Variants in CCDC3 observed in about 807,000 individuals in gnomAD.
CCDC3 encodes the protein coiled-coil domain containing 3, also known as coiled-coil domain-containing protein 3.
A neutral mutation model predicts 21.4 loss-of-function variants in CCDC3; 24 were observed. That is an observed-to-expected ratio of 1.12 (90% CI 0.81 to 1.58). CCDC3 has a LOEUF of 1.58. Among genes scored for constraint, CCDC3 ranks in the 40% most tolerant of loss-of-function variants. The pLI is 0.00. For synonymous variants in CCDC3, 186 were observed against 166.0 expected (o/e 1.12, Z -0.93); for missense variants, 425 against 360.9 (o/e 1.18, Z -1.44).
chr10:12,902,621 A>G (rs1467251409), intron 2 of CCDC3, among the ~76,000 whole-genome samples: 3 of 152,218 alleles, frequency 2.0e-5, no homozygotes, highest in Admixed American at 2.0e-4. Context: ...GGAACATAAC[A>G]TCAAAGAAGA....
At chr10:13,036,183 C>A (rs1044848755) in intron 5 of CCDC3, among the ~76,000 whole-genome samples, 1 of 151,950 alleles carries the variant, frequency 6.6e-6, no homozygotes, top group African/African-American at 2.4e-5. Context: ...AGTGGCTGCC[C>A]ACCAGGATGA....
At chr10:12,956,028 T>G (rs1835078598) in intron 2 of CCDC3, among the ~76,000 whole-genome samples, 1 of 151,684 alleles carries the variant, frequency 6.6e-6, no homozygotes, top group Non-Finnish European at 1.5e-5. Flanking sequence ...TTTTAAGAGA[T>G]AAGATCTCAC....
At chr10:12,922,386 A>G (rs1480882831) in intron 2 of CCDC3, among the ~76,000 whole-genome samples, 2 of 152,070 alleles carry the variant, frequency 1.3e-5, no homozygotes, top group Non-Finnish European at 2.9e-5. Context: ...TCTGTGTCAG[A>G]AGATGCTTTG....
At chr10:12,900,597 A>G (rs1403459283) in intron 2 of CCDC3, among the ~76,000 whole-genome samples, 1 of 145,152 alleles carries the variant, frequency 6.9e-6, no homozygotes, top group East Asian at 2.1e-4. Context: ...AGGCTGAGGC[A>G]GGAGAATGGC....
At chr10:12,961,722 G>C (rs997582241) in intron 2 of CCDC3, among the ~76,000 whole-genome samples, 1 of 152,102 alleles carries the variant, frequency 6.6e-6, no homozygotes, top group Admixed American at 6.6e-5. Context: ...TTTCATGGTG[G>C]AAACAGAGGG....
chr10:12,974,896 G>A (rs1413750171), intron 2 of CCDC3, among the ~76,000 whole-genome samples: 1 of 152,148 alleles, frequency 6.6e-6, no homozygotes, highest in African/African-American at 2.4e-5. Context: ...TATTTTTTGA[G>A]AACCCACTAT....
Position 13,079,342 on chromosome 10 carries a change from G to A in CCDC3, c.-502-5242C>T, listed in dbSNP as rs112688383. Among the ~76,000 whole-genome samples, 483 of 152,278 alleles carry A rather than the reference G, an allele frequency of 3.2e-3. 2 individuals carry two copies. The highest frequency in any genetic ancestry group is 0.01 in the African/African-American group (433 of 41,554). On this transcript the variant is annotated intron_variant, in intron 3 of 6. Transcript: ENST00000378839. ...TGAATAAACCCGGACTCTCAGCAAC[G>A]CAGAAGGAAACTGGCTGTGACCTGG...
rs375960964 is a variant in CCDC3, at chr10:12,898,556, T to C, written c.673A>G (p.Lys225Glu). 1.2e-5 allele frequency: 20 copies of C among 1,614,100 alleles called. No individual in the cohort carries two copies. Among genetic ancestry groups the C allele is most frequent in the African/African-American group, 9.3e-5 (7 of 74,936 alleles). ...RQLRERVKKV[K>E]RSLRQARKKG... ...TTACGCGCCTGCCGCAAGGACCTCT[T>C]GACCTTCTTCACTCGCTCCCGGAGC... The change falls in exon 3 of 3, where the codon AAG becomes GAG. Residue 225 changes from lysine to glutamate, a missense_variant. By Grantham distance (56) the Lys-to-Glu change is moderately conservative. Transcript: ENST00000378825.
At chr10:12,991,919 T>C (rs1265959223) in intron 2 of CCDC3, among the ~76,000 whole-genome samples, 1 of 152,162 alleles carries the variant, frequency 6.6e-6, no homozygotes, top group Non-Finnish European at 1.5e-5. Context: ...GTCTCTTTCT[T>C]ATCTTTTTTT....
chr10:13,099,696 A>C (rs1460257706), upstream of CCDC3: 3 of 151,822 alleles, frequency 2.0e-5, no homozygotes. Flanking sequence ...TCAGTTAACT[A>C]TGTCTAGATG....
chr10:13,023,495 G>C (rs757216409), intron 5 of CCDC3, among the ~76,000 whole-genome samples: 15 of 152,230 alleles, frequency 9.9e-5, no homozygotes, highest in Non-Finnish European at 1.8e-4. Context: ...AAGAAGACCT[G>C]TTCTAAGAGA....
chr10:13,061,695 A>T (rs1428644206), intron 4 of CCDC3, among the ~76,000 whole-genome samples: 2 of 152,200 alleles, frequency 1.3e-5, no homozygotes, highest in Non-Finnish European at 2.9e-5. Context: ...CTACAGATAA[A>T]CTTAAACATT....
At chr10:13,096,290 T>C (rs1832628699) in intron 3 of CCDC3, among the ~76,000 whole-genome samples, 1 of 151,892 alleles carries the variant, frequency 6.6e-6, no homozygotes, top group Non-Finnish European at 1.5e-5. Flanking sequence ...CTCAAGCAAT[T>C]CTCCTGCCTC....
Position 13,082,511 on chromosome 10 carries a change from G to A in CCDC3, c.-502-8411C>T, listed in dbSNP as rs537394911. ...GACGTTTAGGCCTCTGGATGGCTGC[G>A]GGCAGGCCTGTCTGATGTCAGGCCT... is the stretch of plus-strand genomic sequence containing the variant. On this transcript the variant is annotated intron_variant, in intron 3 of 6. Coordinates refer to the CCDC3 transcript ENST00000378839. 9.8e-5 allele frequency among the ~76,000 whole-genome samples: 15 copies of A among 152,326 alleles called. No individual in the cohort carries two copies. In the South Asian group the frequency reaches 1.9e-3, roughly 19 times the overall value.
intron 2 of CCDC3, among the ~76,000 whole-genome samples, chr10:12,967,026 C>G (rs894068889): frequency 1.3e-5 from 2 of 152,172 alleles, no homozygotes; most frequent in Non-Finnish European, 2.9e-5. Context: ...ATCTTCTGGG[C>G]TTCCTCCAGC....
intron 3 of CCDC3, among the ~76,000 whole-genome samples, chr10:13,082,112 A>C (rs924575561): frequency 2.6e-5 from 4 of 152,194 alleles, no homozygotes; most frequent in African/African-American, 9.7e-5. Flanking sequence ...CACAAGACAA[A>C]GTGATAGAAG....
At chr10:13,027,727 A>AC (rs1385201384) in intron 5 of CCDC3, among the ~76,000 whole-genome samples, 3 of 150,622 alleles carry the variant, frequency 2.0e-5, no homozygotes, top group Admixed American at 6.6e-5. Flanking sequence ...AATTAAAAAA[A>AC]AAAAACAAAA....
At chr10:12,974,666 C>A (rs1413988246) in intron 2 of CCDC3, among the ~76,000 whole-genome samples, 1 of 152,158 alleles carries the variant, frequency 6.6e-6, no homozygotes, top group Non-Finnish European at 1.5e-5. Context: ...GAGCCCACAG[C>A]CAGGAAGACC....
intron 4 of CCDC3, among the ~76,000 whole-genome samples, chr10:13,071,157 G>C (rs193056349): frequency 6.6e-6 from 1 of 152,232 alleles, no homozygotes; most frequent in Non-Finnish European, 1.5e-5. Flanking sequence ...AGCCCCATGC[G>C]TCCAAATCTT....
Sources: gnomAD v4.1 joint callset for allele counts (sites outside exome capture counted in the v4.1 genomes callset) on GRCh38, gnomAD v4.1.1 for gene constraint, MANE v1.5 for transcripts, NCBI Gene and HGNC (gene_info 2026-07-23, HGNC 2026-07-21) for gene names.